ATF7: variants seen among roughly 807,000 people sequenced by gnomAD.
ATF7 encodes activating transcription factor 7.
In ATF7, 10 loss-of-function variants were observed where a neutral mutation model predicts 50.4. That is an observed-to-expected ratio of 0.20 (90% confidence interval 0.12 to 0.34). ATF7 has a LOEUF of 0.34. Ranked by LOEUF, ATF7 falls within the 10% of genes least tolerant of loss-of-function variation. The pLI, the probability that ATF7 is intolerant of heterozygous loss-of-function variation, is 1.00. For synonymous variants in ATF7, 201 were observed against 226.4 expected, an observed-to-expected ratio of 0.89 and a Z score of 1.01; for missense variants, 465 against 613.9, an observed-to-expected ratio of 0.76 and a Z score of 2.56.
chr12:53,533,379 T>C (rs1939022024), intron 6 of ATF7, 120 bp from the exon 7 acceptor site: 2 of 758,782 alleles, frequency 2.6e-6, no homozygotes, highest in Non-Finnish European at 4.2e-6. Flanking sequence ...GGCAGCATGG[T>C]AAAAATCTTG....
At chr12:53,537,358 T>C in intron 5 of ATF7, 57 bp downstream of exon 5, 1 of 1,597,444 alleles carries the variant, frequency 6.3e-7, no homozygotes, top group South Asian at 1.1e-5. Flanking sequence ...TTTATATAAT[T>C]AATGAATCAA....
chr12:53,570,267 A>G lies in ATF7; in HGVS notation c.49-17630T>C, dbSNP rs145378286. ...CCAATTATATAGAACCTGCCACTCC[A>G]TTATATCATAATGTAGACAAACCAG... On this transcript the variant is annotated intron_variant, in intron 2 of 11. Transcript: ENST00000420353. Among the ~76,000 whole-genome samples, 169 of 152,218 alleles carry G rather than the reference A, an allele frequency of 1.1e-3. 2 individuals are homozygous for G. The East Asian group carries it at 0.03, about 27-fold the overall frequency.
intron 1 of ATF7, among the ~76,000 whole-genome samples, chr12:53,602,423 A>T (rs1943442485): frequency 6.6e-6 from 1 of 152,086 alleles, no homozygotes; most frequent in Admixed American, 6.5e-5. Flanking sequence ...CATCTCTCCT[A>T]CTCTCTTAGG....
intron 2 of ATF7, among the ~76,000 whole-genome samples, chr12:53,593,883 A>G (rs1301170267): frequency 6.6e-6 from 1 of 152,240 alleles, no homozygotes; most frequent in Non-Finnish European, 1.5e-5. Flanking sequence ...CAGATGTGTT[A>G]TGAATCCACA....
chr12:53,549,549 A>G (rs1472724549), intron 3 of ATF7, among the ~76,000 whole-genome samples: 1 of 152,028 alleles, frequency 6.6e-6, no homozygotes, highest in Non-Finnish European at 1.5e-5. Context: ...GATTACAGGC[A>G]TGCACCACCA....
rs753777992 is a variant in ATF7, at chr12:53,601,025, A to C, written c.-21-4T>G. The C allele has an allele frequency of 1.2e-6, 2 of 1,601,554 alleles. No homozygotes were observed. The highest frequency in any genetic ancestry group is 1.1e-5 in the South Asian group (1 of 90,054). On this transcript the variant is annotated splice_polypyrimidine_tract_variant and splice_region_variant and intron_variant, in intron 1 of 11. Coordinates refer to ENST00000420353, the MANE Select transcript of ATF7 (RefSeq NM_006856.3). ...TATTTCATATAGCAGAGAGGAGCTG[A>C]GGAGGGGGAGGTGAGGGAAAAAGTT...
chr12:53,618,264 A>G (rs538369607), intron 1 of ATF7, among the ~76,000 whole-genome samples: 1 of 152,226 alleles, frequency 6.6e-6, no homozygotes, highest in African/African-American at 2.4e-5. Flanking sequence ...CTATTTATGA[A>G]AGTTCTGGCC....
At chr12:53,510,779 A>C (rs1944114332), downstream of ATF7, among the ~76,000 whole-genome samples, 2 of 152,222 alleles carry the variant, frequency 1.3e-5, no homozygotes, top group South Asian at 4.1e-4. Context: ...GATGGAGGTA[A>C]CTGGTCTCCT....
At position 53,524,785 on chromosome 12, in the gene ATF7, G is replaced by T. The variant is rs747239487; in HGVS notation, c.928-24C>A. The T allele has an allele frequency of 1.9e-6, 3 of 1,549,856 alleles. No homozygotes were observed. The highest frequency in any genetic ancestry group is 2.6e-6 in the Non-Finnish European group (3 of 1,145,890). ...ACCTGGTGCCCAGGAAGGAAGAGAG[G>T]TTACTTGATGGGAACATTAATCCTT... On this transcript the variant is annotated intron_variant, in intron 9 of 11. Transcript: ENST00000420353. This position sits in a 1 kb window ranked among gnomAD's most constrained non-coding sequence, Gnocchi z 4.6.
rs1389126600 is a variant in ATF7, at chr12:53,531,910, T to A, written c.775-14A>T. 6.2e-7 allele frequency: 1 copy of A among 1,609,394 alleles called. No homozygotes were observed. The highest frequency in any genetic ancestry group is 8.5e-7 in the Non-Finnish European group (1 of 1,178,668). ...GGCTTTCAGTCTCTGTGGGCAAAGA[T>A]AAGAAAAAATGCTTGTTAAGGATCA... On this transcript the variant is annotated splice_polypyrimidine_tract_variant and intron_variant, in intron 8 of 11. Coordinates refer to ENST00000420353, the MANE Select transcript of ATF7 (RefSeq NM_006856.3).
At chr12:53,509,066 C>T (rs988454999), downstream of ATF7, among the ~76,000 whole-genome samples, 1 of 152,136 alleles carries the variant, frequency 6.6e-6, no homozygotes, top group African/African-American at 2.4e-5. Context: ...TGGAGCATCC[C>T]CACCAGTGTG....
At position 53,537,564 on chromosome 12, in the gene ATF7, G is replaced by A; in HGVS notation, c.265-12C>T. 6.2e-7 allele frequency: 1 copy of A among 1,611,882 alleles called. No individual in the cohort carries two copies. Among genetic ancestry groups the A allele is most frequent in the Non-Finnish European group, 8.5e-7 (1 of 1,179,356 alleles). ...GGCCCAGCAGCAGCCTGTTGTGAAA[G>A]AAAAATGAACAGAGTTTAACCCTAT... On this transcript the variant is annotated splice_polypyrimidine_tract_variant and intron_variant, in intron 4 of 11. Transcript: ENST00000420353.
intron 2 of ATF7, among the ~76,000 whole-genome samples, chr12:53,583,252 A>G (rs565172509): frequency 2.0e-5 from 3 of 152,204 alleles, no homozygotes; most frequent in African/African-American, 7.2e-5. Flanking sequence ...TACAGCCAGA[A>G]CTCTGCCTTC....
At chr12:53,569,189 A>C (rs958378759) in intron 2 of ATF7, among the ~76,000 whole-genome samples, 4 of 150,232 alleles carry the variant, frequency 2.7e-5, no homozygotes, top group African/African-American at 9.8e-5. Flanking sequence ...AAAAATAAAA[A>C]ATAAAAAAGG....
intron 4 of ATF7, chr12:53,542,965 A>G: frequency 8.7e-7 from 1 of 1,147,748 alleles, no homozygotes; most frequent in Non-Finnish European, 1.1e-6. Flanking sequence ...CAGCTCAGAA[A>G]AGAGTGGAAT....
chr12:53,607,009 G>A (rs1359799787), intron 1 of ATF7, among the ~76,000 whole-genome samples: 1 of 152,006 alleles, frequency 6.6e-6, no homozygotes, highest in Non-Finnish European at 1.5e-5. Flanking sequence ...TGTGAATAGT[G>A]CCGCTATAAA....
At chr12:53,560,291 G>C (rs1671444538) in intron 2 of ATF7, among the ~76,000 whole-genome samples, 2 of 151,188 alleles carry the variant, frequency 1.3e-5, no homozygotes, top group Non-Finnish European at 2.9e-5. Flanking sequence ...TTTTTTTGCA[G>C]GATAATTCTA....
intron 1 of ATF7, among the ~76,000 whole-genome samples, chr12:53,624,813 C>A (rs1187153103): frequency 2.6e-5 from 4 of 152,226 alleles, no homozygotes; most frequent in African/African-American, 9.6e-5. Context: ...TTTAAAAACA[C>A]ATTATGTAAG....
At chr12:53,551,679 T>A (rs1303736210) in intron 3 of ATF7, among the ~76,000 whole-genome samples, 1 of 152,238 alleles carries the variant, frequency 6.6e-6, no homozygotes, top group Non-Finnish European at 1.5e-5. Flanking sequence ...GTTCTGTCTC[T>A]CCTTCTCCAT....
Sources: allele counts gnomAD v4.1 joint callset (sites outside exome capture counted in the v4.1 genomes callset), GRCh38; gene constraint gnomAD v4.1.1; non-coding constraint Gnocchi (gnomAD v3.1); transcripts MANE v1.5; gene names NCBI Gene and HGNC (gene_info 2026-07-23, HGNC 2026-07-21).